The following CACNA2D3 variants were observed in gnomAD, a reference collection of about 807,000 sequenced individuals.
CACNA2D3 encodes calcium voltage-gated channel auxiliary subunit alpha2delta 3.
In CACNA2D3, 60 loss-of-function variants were observed where a neutral mutation model predicts 160.6. The observed-to-expected ratio is 0.37, with a 90% confidence interval of 0.30 to 0.46. The LOEUF (loss-of-function observed/expected upper bound fraction) is 0.46. Ranked by LOEUF, CACNA2D3 falls within the 20% of genes least tolerant of loss-of-function variation. CACNA2D3 has a pLI of 1.00. For synonymous variants in CACNA2D3, 558 were observed against 492.9 expected, an observed-to-expected ratio of 1.13 and a Z score of -1.75; for missense variants, 1,205 against 1,365.0, an observed-to-expected ratio of 0.88 and a Z score of 1.85.
chr3:54,971,424 A>T (rs1442535322), intron 29 of CACNA2D3, among the ~76,000 whole-genome samples: 1 of 152,162 alleles, frequency 6.6e-6, no homozygotes, highest in African/African-American at 2.4e-5. Context: ...TATAATTATG[A>T]ATCCCAGTTT....
At chr3:54,607,555 A>G (rs1409848540) in intron 9 of CACNA2D3, among the ~76,000 whole-genome samples, 1 of 152,156 alleles carries the variant, frequency 6.6e-6, no homozygotes, top group Non-Finnish European at 1.5e-5. Context: ...AAAAAAAAAT[A>G]CTGACAATAC....
chr3:54,770,881 G>C (rs1284577093), intron 13 of CACNA2D3, among the ~76,000 whole-genome samples: 1 of 152,140 alleles, frequency 6.6e-6, no homozygotes, highest in Non-Finnish European at 1.5e-5. Flanking sequence ...GAATGCTTTG[G>C]AAAGACTGTA....
chr3:54,180,243 G>T (rs1700759180), intron 2 of CACNA2D3, among the ~76,000 whole-genome samples: 1 of 152,046 alleles, frequency 6.6e-6, no homozygotes, highest in Non-Finnish European at 1.5e-5. Context: ...GGAGGTGACT[G>T]GGGTACGTGA....
chr3:54,630,747 G>A (rs1699218703), intron 10 of CACNA2D3, among the ~76,000 whole-genome samples: 1 of 152,100 alleles, frequency 6.6e-6, no homozygotes, highest in African/African-American at 2.4e-5. Context: ...CCAACACATG[G>A]TGGACTTTTT....
Position 54,604,271 on chromosome 3 carries a change from G to A in CACNA2D3, c.963+22394G>A, listed in dbSNP as rs546957584. Among the ~76,000 whole-genome samples, 3 of 152,248 alleles carry A rather than the reference G, an allele frequency of 2.0e-5. No homozygotes were observed. In the East Asian group the frequency reaches 5.8e-4, roughly 29 times the overall value. On this transcript the variant is annotated intron_variant, in intron 9 of 37. Transcript: ENST00000474759. ...TAGGGGTATAATGGGGAGCAAGAGT[G>A]ATGAAGTCCCTTCTCCCATGGAGAT...
At chr3:54,384,779 G>T (rs368092653) in intron 3 of CACNA2D3, among the ~76,000 whole-genome samples, 4 of 152,188 alleles carry the variant, frequency 2.6e-5, no homozygotes, top group Non-Finnish European at 5.9e-5. Context: ...GAATGCAGTG[G>T]TGTGATCTCG....
At chr3:54,334,374 A>G (rs959016930) in intron 3 of CACNA2D3, among the ~76,000 whole-genome samples, 1 of 152,110 alleles carries the variant, frequency 6.6e-6, no homozygotes, top group Non-Finnish European at 1.5e-5. Context: ...GCTATTTTGT[A>G]TGCAGACTTT....
chr3:54,558,232 T>C (rs886653380), intron 5 of CACNA2D3, among the ~76,000 whole-genome samples: 1 of 152,190 alleles, frequency 6.6e-6, no homozygotes, highest in Non-Finnish European at 1.5e-5. Context: ...TTGATGAATC[T>C]CTGGAATGAG....
At chr3:54,549,306 T>C (rs895840476) in intron 5 of CACNA2D3, among the ~76,000 whole-genome samples, 2 of 151,976 alleles carry the variant, frequency 1.3e-5, no homozygotes, top group Non-Finnish European at 2.9e-5. Flanking sequence ...ATTAGCCGAA[T>C]GTGGTGGCAG....
rs757838355 is a variant in CACNA2D3, at chr3:54,687,121, CTT to C, written c.1167+44892_1167+44893del. On this transcript the variant is annotated intron_variant, in intron 11 of 37. Coordinates refer to ENST00000474759, the MANE Select transcript of CACNA2D3 (RefSeq NM_018398.3). ...AAATCGGATTTTTCTTTTTCTTTTTCTTTTTTTTTTTTTGTTTTTTTTTTTTT... is the reference window on the plus strand; with the variant it reads ...AAATCGGATTTTTCTTTTTCTTTTTCTTTTTTTTTTTGTTTTTTTTTTTTT... Among the ~76,000 whole-genome samples the C allele has an allele frequency of 6.8e-4, 65 of 94,976 alleles. 1 individual carries two copies. The highest frequency in any genetic ancestry group is 3.9e-3 in the Admixed American group (27 of 6,916). The allele number at this position is 94,976 out of a possible 152,430, so 62.3% of individuals were successfully genotyped here. A position where few individuals can be genotyped will look rare whatever the true frequency, so the allele number is the denominator to read the frequency against.
chr3:54,462,632 A>T (rs1363500143), intron 4 of CACNA2D3, among the ~76,000 whole-genome samples: 1 of 152,038 alleles, frequency 6.6e-6, no homozygotes, highest in Non-Finnish European at 1.5e-5. Flanking sequence ...TGCTTGGTAG[A>T]TCTTCCTCCA....
rs1172859516 is a variant in CACNA2D3, at chr3:54,811,055, T to C, written c.1381-5798T>C. On this transcript the variant is annotated intron_variant, in intron 13 of 37. Coordinates refer to ENST00000474759, the MANE Select transcript of CACNA2D3 (RefSeq NM_018398.3). The stretch of plus-strand genomic sequence containing the variant: ...TGAGTCCTGGGCTCTCGCTGTCCTC[T>C]GCCTACACTCACCCCTTCGGTAACC... 2.6e-5 allele frequency among the ~76,000 whole-genome samples: 4 copies of C among 152,172 alleles called. No individual in the cohort carries two copies. The East Asian group carries it at 7.7e-4, about 29-fold the overall frequency.
chr3:54,562,778 T>C (rs1254296070), intron 5 of CACNA2D3, 22 bp from the exon 6 acceptor site: 1 of 1,605,216 alleles, frequency 6.2e-7, no homozygotes, highest in Non-Finnish European at 8.5e-7. Flanking sequence ...TACACCCCTC[T>C]CTCTCTCTTT....
chr3:54,426,171 C>T (rs1218540752), intron 4 of CACNA2D3, among the ~76,000 whole-genome samples: 2 of 152,158 alleles, frequency 1.3e-5, no homozygotes, highest in South Asian at 4.1e-4. Context: ...CATAGATTAG[C>T]TGGTTGGAGA....
chr3:54,169,202 C>T (rs1478314199), intron 2 of CACNA2D3, among the ~76,000 whole-genome samples: 2 of 152,106 alleles, frequency 1.3e-5, no homozygotes, highest in Admixed American at 1.3e-4. Context: ...CAGATTTCTT[C>T]GAAAGTATCA....
At chr3:54,381,608 C>T (rs1198799300) in intron 3 of CACNA2D3, among the ~76,000 whole-genome samples, 5 of 152,196 alleles carry the variant, frequency 3.3e-5, no homozygotes, top group Admixed American at 2.6e-4. Context: ...GTCTTTAACG[C>T]TAGTCCTGAT....
At chr3:54,538,788 C>G (rs1701926529) in intron 5 of CACNA2D3, among the ~76,000 whole-genome samples, 1 of 152,144 alleles carries the variant, frequency 6.6e-6, no homozygotes. Context: ...GCATGAGTGA[C>G]CCCTGGCCCA....
chr3:54,233,300 T>G (rs1701812473), intron 2 of CACNA2D3, among the ~76,000 whole-genome samples: 1 of 152,184 alleles, frequency 6.6e-6, no homozygotes, highest in Non-Finnish European at 1.5e-5. Flanking sequence ...GTGGAATGAA[T>G]GAATGATAGA....
intron 5 of CACNA2D3, among the ~76,000 whole-genome samples, chr3:54,557,553 T>C (rs369461834): frequency 6.6e-6 from 1 of 152,318 alleles, no homozygotes; most frequent in East Asian, 1.9e-4. Flanking sequence ...GTTGAGACAG[T>C]GAGCTAAGGA....
Sources: allele counts gnomAD v4.1 joint callset (sites outside exome capture counted in the v4.1 genomes callset), GRCh38; gene constraint gnomAD v4.1.1; transcripts MANE v1.5; gene names NCBI Gene and HGNC (gene_info 2026-07-23, HGNC 2026-07-21).